BTLA: variants seen among roughly 807,000 people sequenced by gnomAD.
BTLA encodes the protein B- and T-lymphocyte attenuator.
BTLA carries 11 observed loss-of-function variants against 25.0 expected under a neutral mutation model. That is an observed-to-expected ratio of 0.44 (90% CI 0.28 to 0.73). The LOEUF is 0.73. Among genes scored for constraint, BTLA ranks in the 30% least tolerant of loss-of-function variants. The pLI, the probability that BTLA is intolerant of heterozygous loss-of-function variation, is 0.15. For missense variants in BTLA, 282 were observed against 332.8 expected, an observed-to-expected ratio of 0.85 and a Z score of 1.19; for synonymous variants, 104 against 119.8, an observed-to-expected ratio of 0.87 and a Z score of 0.86.
At chr3:112,466,425 C>T (rs1414518268) in intron 4 of BTLA, 42 bp from the exon 5 acceptor site, 2 of 1,490,590 alleles carry the variant, frequency 1.3e-6, no homozygotes, top group African/African-American at 2.8e-5. Flanking sequence ...CACTTACGGC[C>T]ATGGTAGTGC....
At chr3:112,478,559 A>T (rs901287135) in intron 2 of BTLA, among the ~76,000 whole-genome samples, 1 of 152,150 alleles carries the variant, frequency 6.6e-6, no homozygotes, top group Admixed American at 6.5e-5. Context: ...ACATAAGTTC[A>T]TGCCATCTGT....
chr3:112,486,015 A>G (rs561096673), intron 1 of BTLA, among the ~76,000 whole-genome samples: 2,367 of 152,270 alleles, frequency 0.016, 61 homozygotes, highest in African/African-American at 0.053. Flanking sequence ...TGCTCGGCAG[A>G]CTGAGGCAGG....
At chr3:112,469,529 C>T (rs1320945884) in intron 4 of BTLA, among the ~76,000 whole-genome samples, 2 of 149,612 alleles carry the variant, frequency 1.3e-5, no homozygotes, top group Admixed American at 6.7e-5. Flanking sequence ...CCACTTATTA[C>T]GAGACTTGTT....
chr3:112,469,607 G>GTATATGTATATATA (rs2082249192), intron 4 of BTLA, 151 bp downstream of exon 4: 1 of 58,356 alleles, frequency 1.7e-5, no homozygotes, highest in East Asian at 3.9e-4. Context: ...ATGGGTCTAT[G>GTATATGTATATATA]TATATATATA....
chr3:112,466,046 G>T lies in BTLA; in HGVS notation c.*62C>A. ...GAAATATTATTTGACATCCTGTTGA[G>T]CCCAGACAATGATGTCAACATGCTG... On this transcript the variant is annotated 3_prime_UTR_variant, in exon 5 of 5. Transcript: ENST00000334529. 1.4e-6 allele frequency: 2 copies of T among 1,448,254 alleles called. No individual in the cohort carries two copies. Among genetic ancestry groups the T allele is most frequent in the Non-Finnish European group, 1.9e-6 (2 of 1,079,388 alleles). The allele number at this position is 1,448,254 out of a possible 1,614,324, so 89.7% of individuals were successfully genotyped here. A position where few individuals can be genotyped will look rare whatever the true frequency, so the allele number is the denominator to read the frequency against.
intron 1 of BTLA, among the ~76,000 whole-genome samples, chr3:112,488,228 C>CTTTTTTTTTTTTTTT (rs546779181): frequency 8.0e-6 from 1 of 124,840 alleles, no homozygotes. Flanking sequence ...TTTCTTTTTT[C>CTTTTTTTTTTTTTTT]TTTTTTTTTT....
chr3:112,475,699 T>A (rs985790783), intron 2 of BTLA, among the ~76,000 whole-genome samples: 2 of 152,198 alleles, frequency 1.3e-5, no homozygotes, highest in East Asian at 1.9e-4. Flanking sequence ...AGTAGATTAG[T>A]TCCCATAAAG....
chr3:112,475,964 C>A (rs1315862127), intron 2 of BTLA, among the ~76,000 whole-genome samples: 1 of 152,098 alleles, frequency 6.6e-6, no homozygotes, highest in Non-Finnish European at 1.5e-5. Context: ...TAATGCAATT[C>A]TTTCCAGAAA....
intron 2 of BTLA, among the ~76,000 whole-genome samples, chr3:112,471,825 C>G (rs994547104): frequency 6.6e-6 from 1 of 152,142 alleles, no homozygotes. Context: ...TTCCTTGTCT[C>G]GTAACTTATC....
At position 112,479,595 on chromosome 3, in the gene BTLA, C is replaced by G; in HGVS notation, c.263G>C (p.Ser88Thr). The change falls in exon 2 of 5, where the codon AGT (serine) becomes ACT (threonine). Residue 88 changes from serine to threonine, a missense_variant. Ser to Thr is a moderately conservative substitution (Grantham distance 58, BLOSUM62 1). Coordinates refer to ENST00000334529, the MANE Select transcript of BTLA (RefSeq NM_181780.4). ...TCVKLEDRQT[S>T]WKEEKNISFF... ...TGAAATGTTCTTCTCTTCCTTCCAA[C>G]TTGTTTGTCTATCTTCAAGTTTTAC... 6.2e-7 allele frequency: 1 copy of G among 1,614,078 alleles called. No homozygotes were observed. The highest frequency in any genetic ancestry group is 8.5e-7 in the Non-Finnish European group (1 of 1,179,960).
chr3:112,477,887 CCACTGAAT>C (rs1302830633), intron 2 of BTLA, among the ~76,000 whole-genome samples: 3 of 152,050 alleles, frequency 2.0e-5, no homozygotes, highest in African/African-American at 7.2e-5. Context: ...TATTCTTTCC[CCACTGAAT>C]AATCTTGGTA....
chr3:112,483,715 C>T (rs113294423), intron 1 of BTLA, among the ~76,000 whole-genome samples: 8,768 of 151,926 alleles, frequency 0.058, 318 homozygotes, highest in Admixed American at 0.096. Flanking sequence ...CGCCTGTAAT[C>T]CCAGCACTTT....
chr3:112,496,437 CTTA>C (rs1218667601), intron 1 of BTLA, among the ~76,000 whole-genome samples: 2 of 152,210 alleles, frequency 1.3e-5, no homozygotes, highest in East Asian at 3.9e-4. Flanking sequence ...TTTTTCCAGC[CTTA>C]TTATATATGC....
At chr3:112,491,536 T>C (rs756740005) in intron 1 of BTLA, among the ~76,000 whole-genome samples, 10 of 152,252 alleles carry the variant, frequency 6.6e-5, no homozygotes, top group Middle Eastern at 3.4e-3. Flanking sequence ...CACCAGCTGG[T>C]AGGAGGAAGA....
At chr3:112,497,979 C>T (rs1053050162) in intron 1 of BTLA, among the ~76,000 whole-genome samples, 5 of 151,984 alleles carry the variant, frequency 3.3e-5, no homozygotes, top group African/African-American at 1.2e-4. Flanking sequence ...AGGTCAGGAG[C>T]TCCAGACCAG....
chr3:112,473,026 CTAATTTCCT>C (rs755914918), intron 2 of BTLA, among the ~76,000 whole-genome samples: 22 of 151,874 alleles, frequency 1.4e-4, no homozygotes, highest in Non-Finnish European at 2.8e-4. Flanking sequence ...CCAAAAAAAC[CTAATTTCCT>C]TAATTTTACT....
intron 2 of BTLA, among the ~76,000 whole-genome samples, chr3:112,471,792 A>G (rs1280309374): frequency 6.6e-6 from 1 of 152,200 alleles, no homozygotes; most frequent in Admixed American, 6.5e-5. Flanking sequence ...CAGGAAATTC[A>G]AGTTTCTTCA....
intron 1 of BTLA, among the ~76,000 whole-genome samples, chr3:112,484,605 A>G (rs2082336450): frequency 6.6e-6 from 1 of 152,174 alleles, no homozygotes; most frequent in South Asian, 2.1e-4. Flanking sequence ...CTATCACAAT[A>G]TATTACCTTT....
chr3:112,473,676 G>A (rs1370399943), intron 2 of BTLA, among the ~76,000 whole-genome samples: 1 of 141,780 alleles, frequency 7.1e-6, no homozygotes, highest in Non-Finnish European at 1.5e-5. Flanking sequence ...GTGCAGTGGT[G>A]CAATCTCGGT....
Sources: allele counts gnomAD v4.1 joint callset (sites outside exome capture counted in the v4.1 genomes callset), GRCh38; gene constraint gnomAD v4.1.1; transcripts MANE v1.5; gene names NCBI Gene and HGNC (gene_info 2026-07-23, HGNC 2026-07-21).